Variants in UPRT observed in about 807,000 individuals in gnomAD.
UPRT encodes RP11-311P8.3.
Under a neutral mutation model 22.6 loss-of-function variants are expected in UPRT, and 5 were observed. The ratio of observed to expected loss-of-function variants is 0.22; its 90% confidence interval spans 0.12 to 0.47. The LOEUF (loss-of-function observed/expected upper bound fraction) is 0.47, where lower values mean the gene tolerates loss of function less well. UPRT is among the 20% of genes least tolerant of loss of function. UPRT has a pLI of 0.99. For synonymous variants in UPRT, 77 were observed against 87.7 expected, an observed-to-expected ratio of 0.88 and a Z score of 0.68; for missense variants, 181 against 239.9, an observed-to-expected ratio of 0.75 and a Z score of 1.62.
chrX:75,157,854 A>C (rs1284016166), intron 1 of UPRT, among the ~76,000 whole-genome samples: 1 of 112,355 alleles, frequency 8.9e-6, no homozygotes, highest in African/African-American at 3.2e-5. Context: ...TGTTGACAGT[A>C]GATCAGTAAT....
At chrX:75,251,872 C>A (rs1257559600) in intron 4 of UPRT, among the ~76,000 whole-genome samples, 1 of 110,376 alleles carries the variant, frequency 9.1e-6, no homozygotes, top group African/African-American at 3.3e-5. Context: ...AGATATAGAC[C>A]AATGGAACAG....
intron 1 of UPRT, 54 bp downstream of exon 1, chrX:75,274,694 C>A (rs747594335): frequency 7.1e-6 from 8 of 1,125,951 alleles, no homozygotes; most frequent in Admixed American, 3.0e-5. Flanking sequence ...AGGCTGTGGG[C>A]GGGGATTGGA....
At chrX:75,205,093 G>A (rs1049767715) in intron 4 of UPRT, among the ~76,000 whole-genome samples, 3 of 111,145 alleles carry the variant, frequency 2.7e-5, no homozygotes, top group African/African-American at 9.8e-5. Context: ...GATTTGGGCC[G>A]GGCGCGGTGG....
At chrX:75,285,162 G>A (rs1288742375) in intron 1 of UPRT, among the ~76,000 whole-genome samples, 1 of 111,225 alleles carries the variant, frequency 9.0e-6, no homozygotes, top group Non-Finnish European at 1.9e-5. Context: ...CCCTCCAACA[G>A]CCCCAAGTCT....
intron 4 of UPRT, among the ~76,000 whole-genome samples, chrX:75,249,403 T>G (rs1328202045): frequency 9.0e-6 from 1 of 111,544 alleles, no homozygotes; most frequent in African/African-American, 3.3e-5. Flanking sequence ...AGTCAGTGGT[T>G]GCAATCCTAG....
rs777503852 is a variant in UPRT at position 75,230,763 on chromosome X, A to G, written c.-446-60261A>G. On this transcript the variant is annotated intron_variant, in intron 4 of 13. Coordinates refer to the UPRT transcript ENST00000652605. ...CTGTGGCTGGGAGACCTGAAGATGAATCACATCCCAGGACTCTTTGCAGAC... is the reference window on the plus strand; with the variant it reads ...CTGTGGCTGGGAGACCTGAAGATGAGTCACATCCCAGGACTCTTTGCAGAC... 2.0e-4 allele frequency among the ~76,000 whole-genome samples: 22 copies of G among 111,690 alleles called. 1 individual carries two copies. The highest frequency in any genetic ancestry group is 3.4e-4 in the Non-Finnish European group (18 of 53,164).
intron 4 of UPRT, among the ~76,000 whole-genome samples, chrX:75,251,549 A>G (rs1418752137): frequency 3.6e-5 from 4 of 111,536 alleles, no homozygotes; most frequent in African/African-American, 9.8e-5. Context: ...ACCACTGCTC[A>G]ATGAAATAAA....
chrX:75,284,442 T>G (rs978066532), intron 1 of UPRT, among the ~76,000 whole-genome samples: 15 of 111,802 alleles, frequency 1.3e-4, no homozygotes, highest in Non-Finnish European at 2.4e-4. Context: ...AGAGGGAAGA[T>G]CTAGGGCCAA....
intron 1 of UPRT, among the ~76,000 whole-genome samples, chrX:75,278,055 C>G (rs2082638556): frequency 9.0e-6 from 1 of 111,502 alleles, no homozygotes; most frequent in Non-Finnish European, 1.9e-5. Flanking sequence ...GGGGCTTATT[C>G]TCTTCTCTAT....
intron 4 of UPRT, among the ~76,000 whole-genome samples, chrX:75,266,298 C>T (rs753543951): frequency 1.3e-4 from 14 of 110,953 alleles, no homozygotes; most frequent in Middle Eastern, 4.7e-3. Flanking sequence ...TATCTACAAC[C>T]ATCTGATCTT....
intron 4 of UPRT, among the ~76,000 whole-genome samples, chrX:75,198,131 G>T (rs1288487888): frequency 8.9e-6 from 1 of 112,608 alleles, no homozygotes; most frequent in Non-Finnish European, 1.9e-5. Flanking sequence ...AAAAATTGTG[G>T]TATATTCACA....
intron 1 of UPRT, among the ~76,000 whole-genome samples, chrX:75,157,845 G>A (rs776016545): frequency 8.9e-6 from 1 of 112,176 alleles, no homozygotes; most frequent in Non-Finnish European, 1.9e-5. Flanking sequence ...TTATTGTATT[G>A]TTGACAGTAG....
intron 1 of UPRT, among the ~76,000 whole-genome samples, chrX:75,277,380 T>C (rs1456404926): frequency 1.8e-5 from 2 of 111,379 alleles, no homozygotes; most frequent in Admixed American, 1.9e-4. Context: ...ACCTGGGTTA[T>C]GTAGTAAACC....
chrX:75,199,213 G>A (rs1392964873), intron 4 of UPRT, among the ~76,000 whole-genome samples: 1 of 112,074 alleles, frequency 8.9e-6, no homozygotes, highest in Non-Finnish European at 1.9e-5. Flanking sequence ...GGCTAAGAAA[G>A]TGCTTGCACC....
intron 2 of UPRT, among the ~76,000 whole-genome samples, chrX:75,294,394 T>G (rs1482891210): frequency 9.0e-6 from 1 of 110,744 alleles, no homozygotes; most frequent in Non-Finnish European, 1.9e-5. Flanking sequence ...GTAGGCATGG[T>G]CTCTAATCTC....
chrX:75,213,438 T>G, intron 4 of UPRT, among the ~76,000 whole-genome samples: 1 of 111,990 alleles, frequency 8.9e-6, no homozygotes, highest in South Asian at 3.7e-4. Context: ...GGCAACAGAA[T>G]CTATGAGTTT....
At chrX:75,175,644 C>T (rs1259573094) in intron 4 of UPRT, among the ~76,000 whole-genome samples, 2 of 112,002 alleles carry the variant, frequency 1.8e-5, no homozygotes, top group Non-Finnish European at 3.8e-5. Flanking sequence ...AGGGAACCTT[C>T]GTCCTCTGGG....
intron 4 of UPRT, among the ~76,000 whole-genome samples, chrX:75,251,907 G>A (rs770895333): frequency 1.2e-4 from 13 of 110,334 alleles, no homozygotes; most frequent in South Asian, 7.8e-4. Flanking sequence ...AAATAATGCC[G>A]CATATCTACA....
At chrX:75,241,272 C>A (rs2082487493) in intron 4 of UPRT, among the ~76,000 whole-genome samples, 1 of 111,059 alleles carries the variant, frequency 9.0e-6, no homozygotes, top group Non-Finnish European at 1.9e-5. Context: ...AAGAACATGA[C>A]TAGACAATTC....
Sources: allele counts gnomAD v4.1 joint callset (sites outside exome capture counted in the v4.1 genomes callset), GRCh38; gene constraint gnomAD v4.1.1; transcripts MANE v1.5; gene names NCBI Gene and HGNC (gene_info 2026-07-23, HGNC 2026-07-21).